Variants in IQCJ observed in about 807,000 individuals in gnomAD.
IQCJ encodes the protein IQ motif containing J.
Under a neutral mutation model 11.0 loss-of-function variants are expected in IQCJ, and 9 were observed. The ratio of observed to expected loss-of-function variants is 0.82; its 90% CI spans 0.49 to 1.43. The LOEUF (loss-of-function observed/expected upper bound fraction) is 1.43. Among genes scored for constraint, IQCJ ranks in the 40% most tolerant of loss-of-function variants. The pLI is 0.00. For missense variants in IQCJ, 146 were observed against 133.2 expected, an observed-to-expected ratio of 1.10 and a Z score of -0.47; for synonymous variants, 55 against 51.3, an observed-to-expected ratio of 1.07 and a Z score of -0.31.
At chr3:159,151,577 G>A (rs183015188) in intron 1 of IQCJ, among the ~76,000 whole-genome samples, 63 of 152,126 alleles carry the variant, frequency 4.1e-4, no homozygotes, top group Non-Finnish European at 7.3e-4. Flanking sequence ...TACCTGCACT[G>A]GTCTCAGTTT....
intron 1 of IQCJ, among the ~76,000 whole-genome samples, chr3:159,074,713 T>C (rs574831792): frequency 4.6e-5 from 7 of 152,158 alleles, no homozygotes; most frequent in Non-Finnish European, 8.8e-5. Flanking sequence ...TCTAACAAAA[T>C]TTAGGTTCTT....
At chr3:159,261,828 C>T (rs958697627) in intron 3 of IQCJ, among the ~76,000 whole-genome samples, 1 of 148,130 alleles carries the variant, frequency 6.8e-6, no homozygotes, top group African/African-American at 2.4e-5. Flanking sequence ...TAGGCGAAAC[C>T]TGAAATAGCT....
intron 1 of IQCJ, among the ~76,000 whole-genome samples, chr3:159,150,864 G>T (rs1416860420): frequency 1.3e-5 from 2 of 152,124 alleles, no homozygotes; most frequent in Non-Finnish European, 2.9e-5. Flanking sequence ...CAGCTCTCAT[G>T]GTTCAGAGCG....
In IQCJ at chr3:159,089,289, G is replaced by T. The variant is rs188413636; in HGVS notation, c.9+19848G>T. Among the ~76,000 whole-genome samples the T allele has an allele frequency of 6.6e-5, 10 of 152,250 alleles. No individual in the cohort carries two copies. In the East Asian group the frequency reaches 9.7e-4, roughly 15 times the overall value. ...TTGTAGCGTTTCTGCCGAAAGATCCGCTGTTAGTCTGATGGGCTTCCCTTT... is the reference window on the plus strand; with the variant it reads ...TTGTAGCGTTTCTGCCGAAAGATCCTCTGTTAGTCTGATGGGCTTCCCTTT... On this transcript the variant is annotated intron_variant, in intron 1 of 3. Coordinates refer to ENST00000397832, the MANE Select transcript of IQCJ (RefSeq NM_001042706.3).
At position 159,114,434 on chromosome 3, in the gene IQCJ, C is replaced by G. The variant is rs183060694; in HGVS notation, c.9+44993C>G. On this transcript the variant is annotated intron_variant, in intron 1 of 3. Coordinates refer to ENST00000397832, the MANE Select transcript of IQCJ (RefSeq NM_001042706.3). ...CAAGCGATCCTCCTGCCTCAGCCCC[C>G]CTCATAGCTGGGACTACAGGCATGC... 4.1e-3 allele frequency among the ~76,000 whole-genome samples: 631 copies of G among 152,114 alleles called. 6 individuals carry two copies. The highest frequency in any genetic ancestry group is 0.015 in the African/African-American group (611 of 41,492).
chr3:159,182,967 A>G (rs71312261), intron 1 of IQCJ, among the ~76,000 whole-genome samples: 3,622 of 152,202 alleles, frequency 0.024, 109 homozygotes, highest in Non-Finnish European at 0.029. Context: ...GCATAAGACA[A>G]TATGAGGGGT....
intron 1 of IQCJ, among the ~76,000 whole-genome samples, chr3:159,210,780 C>T (rs548030082): frequency 6.6e-6 from 1 of 152,292 alleles, no homozygotes; most frequent in South Asian, 2.1e-4. Context: ...CAGTGATTCT[C>T]CTGCCTCAGC....
chr3:159,249,056 G>A (rs746075308), intron 2 of IQCJ, among the ~76,000 whole-genome samples: 51 of 151,988 alleles, frequency 3.4e-4, no homozygotes, highest in Non-Finnish European at 6.3e-4. Flanking sequence ...GGGTTTCACC[G>A]TGTTAGCCAG....
intron 1 of IQCJ, among the ~76,000 whole-genome samples, chr3:159,173,357 T>C (rs1722601940): frequency 6.6e-6 from 1 of 152,240 alleles, no homozygotes; most frequent in African/African-American, 2.4e-5. Context: ...TTTTTATATA[T>C]CTTCAAAGTG....
At chr3:159,090,524 G>T (rs989391587) in intron 1 of IQCJ, among the ~76,000 whole-genome samples, 2 of 151,796 alleles carry the variant, frequency 1.3e-5, no homozygotes, top group African/African-American at 4.9e-5. Context: ...GCTGGTCCAG[G>T]TCTATTCATG....
intron 1 of IQCJ, among the ~76,000 whole-genome samples, chr3:159,085,603 T>G (rs1387819286): frequency 3.4e-5 from 5 of 146,880 alleles, no homozygotes; most frequent in Non-Finnish European, 7.5e-5. Flanking sequence ...TTTTAATGAT[T>G]GCCATTCTAA....
At chr3:159,164,776 C>G (rs977865483) in intron 1 of IQCJ, among the ~76,000 whole-genome samples, 4 of 151,990 alleles carry the variant, frequency 2.6e-5, no homozygotes, top group Admixed American at 6.6e-5. Flanking sequence ...CCCTCCCCCC[C>G]AAAAAAGAGG....
intron 1 of IQCJ, among the ~76,000 whole-genome samples, chr3:159,209,699 C>T (rs73877559): frequency 0.022 from 3,368 of 152,272 alleles, 148 homozygotes; most frequent in African/African-American, 0.077. Context: ...CCTGCACCCA[C>T]TCACCTGCAT....
At chr3:159,220,821 T>C (rs1465209722) in intron 1 of IQCJ, among the ~76,000 whole-genome samples, 2 of 152,164 alleles carry the variant, frequency 1.3e-5, no homozygotes, top group African/African-American at 4.8e-5. Flanking sequence ...TTGTTATTTC[T>C]TTCTTAGAAA....
intron 1 of IQCJ, among the ~76,000 whole-genome samples, chr3:159,146,937 T>C (rs1206689932): frequency 6.6e-6 from 1 of 152,222 alleles, no homozygotes; most frequent in Non-Finnish European, 1.5e-5. Context: ...GAATTATAAA[T>C]AATTAAAATC....
chr3:159,200,119 A>ATATATATATATATATATATATATATC (rs1438955586), intron 1 of IQCJ, among the ~76,000 whole-genome samples: 21 of 146,118 alleles, frequency 1.4e-4, no homozygotes, highest in Admixed American at 4.8e-4. Context: ...ATATATATAT[A>ATATATATATATATATATATATATATC]TCACTTTGAA....
chr3:159,136,990 G>A (rs750897573), intron 1 of IQCJ, among the ~76,000 whole-genome samples: 20 of 152,090 alleles, frequency 1.3e-4, no homozygotes, highest in Non-Finnish European at 1.8e-4. Flanking sequence ...CTGGCTAGGC[G>A]CAGTGACTCA....
At chr3:159,251,953 T>C (rs1727625915) in intron 2 of IQCJ, among the ~76,000 whole-genome samples, 1 of 152,226 alleles carries the variant, frequency 6.6e-6, no homozygotes, top group African/African-American at 2.4e-5. Context: ...ATGAGACCAG[T>C]AACTATTAGC....
intron 1 of IQCJ, among the ~76,000 whole-genome samples, chr3:159,170,738 G>A (rs867566465): frequency 3.9e-4 from 59 of 151,726 alleles, no homozygotes; most frequent in African/African-American, 1.2e-3. Context: ...TCTTTGCCAC[G>A]GGCAACAAAA....
Sources: gnomAD v4.1 joint callset for allele counts (sites outside exome capture counted in the v4.1 genomes callset) on GRCh38, gnomAD v4.1.1 for gene constraint, MANE v1.5 for transcripts, NCBI Gene and HGNC (gene_info 2026-07-23, HGNC 2026-07-21) for gene names.